Variants in LY6S observed in about 807,000 individuals in gnomAD.
LY6S encodes the protein lymphocyte antigen 6S.
the LY6S span, among the ~76,000 whole-genome samples, chr8:143,075,163 A>G: frequency 6.6e-6 from 1 of 151,958 alleles, no homozygotes; most frequent in African/African-American, 2.4e-5. This position sits in a 1 kb window ranked among gnomAD's most constrained non-coding sequence, Gnocchi z 4.1. Context: ...CTTGCCAGAT[A>G]TTTGTCTAAT....
At chr8:143,055,807 C>T in the LY6S span, among the ~76,000 whole-genome samples, 1 of 152,218 alleles carries the variant, frequency 6.6e-6, no homozygotes, top group Middle Eastern at 3.4e-3. Flanking sequence ...CCCTTGCTGC[C>T]CACTCAGGAA....
At chr8:143,070,414 A>G in the LY6S span, among the ~76,000 whole-genome samples, 177 of 87,102 alleles carry the variant, frequency 2.0e-3, 1 homozygote, top group African/African-American at 0.012. Flanking sequence ...TTATTTATGT[A>G]TATATATTTA....
At chr8:143,072,209 G>C in the LY6S span, among the ~76,000 whole-genome samples, 18,177 of 119,726 alleles carry the variant, frequency 0.15, 2,176 homozygotes, top group African/African-American at 0.29. Flanking sequence ...CCGTCATTCT[G>C]GGGGTTCCTG....
chr8:143,066,070 G>A, the LY6S span: 2 of 401,242 alleles, frequency 5.0e-6, no homozygotes, highest in African/African-American at 2.2e-5. Context: ...TACAGCTTGG[G>A]AAGCACATAG....
chr8:143,072,006 G>A, the LY6S span, among the ~76,000 whole-genome samples: 8 of 152,306 alleles, frequency 5.3e-5, no homozygotes, highest in East Asian at 1.5e-3. Context: ...TGAAAAGAAT[G>A]TGGCACCCCC....
At chr8:143,043,154 G>A in the LY6S span, 6 of 1,367,702 alleles carry the variant, frequency 4.4e-6, no homozygotes, top group Non-Finnish European at 5.9e-6. Context: ...CTGACCCCAG[G>A]CTGAGCAGGA....
At chr8:143,067,206 G>A in the LY6S span, among the ~76,000 whole-genome samples, 6 of 152,196 alleles carry the variant, frequency 3.9e-5, no homozygotes, top group East Asian at 1.9e-4. Context: ...CTGTGTCTAC[G>A]TAGAAAAGGA....
chr8:143,072,347 G>A, the LY6S span, among the ~76,000 whole-genome samples: 2 of 115,456 alleles, frequency 1.7e-5, 1 homozygote, highest in African/African-American at 7.3e-5. Flanking sequence ...GTCGTCCTCG[G>A]GGTTCCTGTT....
the LY6S span, among the ~76,000 whole-genome samples, chr8:143,074,175 C>T: frequency 1.3e-5 from 2 of 152,130 alleles, no homozygotes; most frequent in African/African-American, 2.4e-5. Flanking sequence ...GTTAATGTCT[C>T]TTACCAATTT....
chr8:143,052,259 G>C, the LY6S span, among the ~76,000 whole-genome samples: 110 of 151,978 alleles, frequency 7.2e-4, no homozygotes, highest in Non-Finnish European at 1.3e-3. Context: ...CCAGCCTGGG[G>C]GACACAGCGA....
chr8:143,053,607 GTTCT>G, the LY6S span: 2 of 152,262 alleles, frequency 1.3e-5, no homozygotes, highest in East Asian at 1.9e-4. Context: ...GGGCTCATGG[GTTCT>G]TTAAGTTCCC....
chr8:143,059,850 T>C, the LY6S span: 2 of 151,856 alleles, frequency 1.3e-5, no homozygotes, highest in African/African-American at 4.8e-5. Context: ...GAATTGTTCA[T>C]GAGTGTGGGC....
At chr8:143,062,130 T>C in the LY6S span, among the ~76,000 whole-genome samples, 6 of 152,288 alleles carry the variant, frequency 3.9e-5, no homozygotes, top group East Asian at 1.2e-3. Flanking sequence ...GAAATGAAAC[T>C]GTCATTATTT....
the LY6S span, among the ~76,000 whole-genome samples, chr8:143,056,754 T>G: frequency 2.0e-5 from 3 of 152,220 alleles, no homozygotes; most frequent in African/African-American, 7.2e-5. Context: ...ACTTATTAAC[T>G]GAACAAAAAG....
At chr8:143,054,325 A>AAAAAAAAAAAAAAAAAG in the LY6S span, 1 of 150,472 alleles carries the variant, frequency 6.6e-6, no homozygotes, top group East Asian at 1.9e-4. Flanking sequence ...AAAAAAAAAA[A>AAAAAAAAAAAAAAAAAG]AGAGAGAGAA....
At chr8:143,053,289 A>T in the LY6S span, 1 of 152,146 alleles carries the variant, frequency 6.6e-6, no homozygotes, top group South Asian at 2.1e-4. Context: ...TCTATTCAAG[A>T]AAACAACTCC....
the LY6S span, among the ~76,000 whole-genome samples, chr8:143,059,409 T>C: frequency 6.6e-6 from 1 of 152,140 alleles, no homozygotes; most frequent in Non-Finnish European, 1.5e-5. Context: ...GGTTTTTTTT[T>C]TAGACAAATA....
chr8:143,068,616 A>G, the LY6S span, among the ~76,000 whole-genome samples: 43 of 152,324 alleles, frequency 2.8e-4, no homozygotes, highest in African/African-American at 1.0e-3. Flanking sequence ...TTTCTTTACA[A>G]CAACAAAAGA....
At chr8:143,040,879 C>T in the LY6S span, among the ~76,000 whole-genome samples, 3 of 151,922 alleles carry the variant, frequency 2.0e-5, no homozygotes, top group Non-Finnish European at 2.9e-5. Context: ...CATCACATGT[C>T]GGCAGGTTCC....
Sources: allele counts gnomAD v4.1 joint callset (sites outside exome capture counted in the v4.1 genomes callset), GRCh38; gene constraint gnomAD v4.1.1; non-coding constraint Gnocchi (gnomAD v3.1); transcripts MANE v1.5; gene names NCBI Gene and HGNC (gene_info 2026-07-23, HGNC 2026-07-21).